SDK1: variants seen among roughly 807,000 people sequenced by gnomAD.
The protein encoded by SDK1 is protein sidekick-1.
In SDK1, 157 loss-of-function variants were observed where a neutral mutation model predicts 245.5. The ratio of observed to expected loss-of-function variants is 0.64; its 90% CI spans 0.56 to 0.73. The LOEUF (loss-of-function observed/expected upper bound fraction) is 0.73. SDK1 is among the 30% of genes least tolerant of loss of function. SDK1 has a pLI of 0.00. For missense variants in SDK1, 3,583 were observed against 3,002.3 expected (o/e 1.19, Z -4.52); for synonymous variants, 1,647 against 1,278.5 (o/e 1.29, Z -6.15).
chr7:3,501,836 T>C (rs1161436929), intron 1 of SDK1, among the ~76,000 whole-genome samples: 1 of 152,224 alleles, frequency 6.6e-6, no homozygotes, highest in African/African-American at 2.4e-5. Flanking sequence ...TATTTATTAC[T>C]CTTGATGTTC....
intron 40 of SDK1, among the ~76,000 whole-genome samples, chr7:4,226,304 A>G (rs2128233878): frequency 6.6e-6 from 1 of 152,294 alleles, no homozygotes; most frequent in African/African-American, 2.4e-5. Flanking sequence ...CCTCTGGCCC[A>G]CGTGGTCGGC....
At chr7:3,566,629 G>A (rs1010691623) in intron 1 of SDK1, among the ~76,000 whole-genome samples, 2 of 151,306 alleles carry the variant, frequency 1.3e-5, no homozygotes, top group African/African-American at 2.4e-5. Flanking sequence ...CAGATGGGCA[G>A]ATGACAGAAT....
chr7:3,443,793 T>G (rs1400003844), intron 1 of SDK1, among the ~76,000 whole-genome samples: 1 of 152,210 alleles, frequency 6.6e-6, no homozygotes, highest in African/African-American at 2.4e-5. Flanking sequence ...TTAGATTCTT[T>G]CTTATAAATG....
At chr7:3,440,776 C>A (rs886379385) in intron 1 of SDK1, among the ~76,000 whole-genome samples, 1 of 152,114 alleles carries the variant, frequency 6.6e-6, no homozygotes, top group Non-Finnish European at 1.5e-5. Flanking sequence ...TTATGCTGGT[C>A]TTGCTGTTGC....
At chr7:3,926,050 T>C (rs527836143) in intron 5 of SDK1, among the ~76,000 whole-genome samples, 200 of 152,270 alleles carry the variant, frequency 1.3e-3, no homozygotes, top group African/African-American at 4.7e-3. Flanking sequence ...TTGAGTGACT[T>C]CAGGGAAATC....
At chr7:3,958,116 A>G (rs772090421) in intron 7 of SDK1, 20 of 412,698 alleles carry the variant, frequency 4.8e-5, no homozygotes, top group Non-Finnish European at 9.3e-5. Flanking sequence ...CACAATTATA[A>G]TGAAAGTAAA....
chr7:3,444,521 A>G (rs547036456), intron 1 of SDK1, among the ~76,000 whole-genome samples: 1 of 152,298 alleles, frequency 6.6e-6, no homozygotes, highest in East Asian at 1.9e-4. Flanking sequence ...TTATTTAAGA[A>G]CTTTTTATAA....
chr7:3,723,885 T>C (rs6980037), intron 4 of SDK1, among the ~76,000 whole-genome samples: 3,661 of 106,792 alleles, frequency 0.034, 175 homozygotes, highest in Admixed American at 0.065. Flanking sequence ...CGTACATATA[T>C]ATATACACGT....
intron 2 of SDK1, among the ~76,000 whole-genome samples, chr7:3,625,797 G>A (rs960389660): frequency 1.3e-5 from 2 of 152,188 alleles, no homozygotes; most frequent in Non-Finnish European, 2.9e-5. Context: ...AGGACAGGAA[G>A]CAAGAAATAG....
chr7:3,486,659 A>G (rs1781705340), intron 1 of SDK1, among the ~76,000 whole-genome samples: 1 of 152,090 alleles, frequency 6.6e-6, no homozygotes, highest in Non-Finnish European at 1.5e-5. Flanking sequence ...TCTTCATCCC[A>G]AAGCACAAGT....
chr7:3,347,452 A>G (rs988820366), intron 1 of SDK1, among the ~76,000 whole-genome samples: 1 of 152,132 alleles, frequency 6.6e-6, no homozygotes, highest in African/African-American at 2.4e-5. Context: ...GGAACAAAAT[A>G]ACTTTTCACC....
rs544427269 is a variant in SDK1 at position 3,975,611 on chromosome 7, C to T, written c.1994+1066C>T. ...AAGCATGTGGCTTCTGTGTCTGCCA[C>T]ACGCATGTGGAAATGAGTGAACTCA... On this transcript the variant is annotated intron_variant, in intron 13 of 44. Coordinates refer to ENST00000404826, the MANE Select transcript of SDK1 (RefSeq NM_152744.4). Among the ~76,000 whole-genome samples, 3 of 152,336 alleles carry T rather than the reference C, an allele frequency of 2.0e-5. No homozygotes were observed. The East Asian group carries it at 5.8e-4, about 29-fold the overall frequency.
intron 14 of SDK1, among the ~76,000 whole-genome samples, chr7:4,004,041 C>T (rs183183598): frequency 6.6e-6 from 1 of 152,358 alleles, no homozygotes; most frequent in East Asian, 1.9e-4. Flanking sequence ...TCACTCCATC[C>T]ATTTCTCATG....
rs1562774661 is a variant in SDK1, at chr7:4,077,066, A to T, written c.3079A>T (p.Thr1027Ser). The change falls in exon 21 of 45, where the codon ACG (threonine) becomes TCG (serine). Residue 1027 changes from threonine (T) to serine (S), a missense_variant. Physicochemically the swap from Thr to Ser is moderately conservative, Grantham distance 58 (BLOSUM62 1). Transcript: ENST00000404826. ...TCTCACGCACACCCTGAACAGCACG[A>T]CGCACGAGTACAAGATCCAAGGCCT... ...SRLTHTLNSTTHEYKIQGLSS... is the reference protein window; with the variant it reads ...SRLTHTLNSTSHEYKIQGLSS... 1.2e-6 allele frequency: 2 copies of T among 1,614,158 alleles called. No homozygotes were observed. The highest frequency in any genetic ancestry group is 1.7e-6 in the Non-Finnish European group (2 of 1,180,006).
At chr7:3,426,148 T>C (rs769773647) in intron 1 of SDK1, among the ~76,000 whole-genome samples, 1 of 152,194 alleles carries the variant, frequency 6.6e-6, no homozygotes, top group Non-Finnish European at 1.5e-5. Flanking sequence ...AAGCAGTTGA[T>C]TCCGTGTTTT....
intron 1 of SDK1, among the ~76,000 whole-genome samples, chr7:3,435,674 A>G (rs1340930465): frequency 6.6e-6 from 1 of 151,906 alleles, no homozygotes; most frequent in African/African-American, 2.4e-5. Context: ...GGGGGCTTTT[A>G]AAGAGGAAGT....
chr7:3,494,267 T>G (rs1291452308), intron 1 of SDK1, among the ~76,000 whole-genome samples: 1 of 152,214 alleles, frequency 6.6e-6, no homozygotes, highest in East Asian at 1.9e-4. Flanking sequence ...TTTTGTTATT[T>G]TAATCCAGAT....
Position 4,149,377 on chromosome 7 carries a change from C to T in SDK1, c.4539C>T (p.Thr1513=), listed in dbSNP as rs1185469730. The T allele has an allele frequency of 3.1e-6, 5 of 1,590,126 alleles. No homozygotes were observed. Among genetic ancestry groups the T allele is most frequent in the Non-Finnish European group, 4.3e-6 (5 of 1,169,098 alleles). ...GGGCCTCCCCCATCCGGTACTTCAC[C>T]ATGCAGGTGCGAGAGCTGCCTCGGG... ...SDGASPIRYF[T]MQVRELPRGE... is the part of the protein sequence containing the mutation. Residue 1513 remains threonine (T), a synonymous_variant, in exon 30 of 45, where the codon ACC becomes ACT. Coordinates refer to ENST00000404826, the MANE Select transcript of SDK1 (RefSeq NM_152744.4).
At chr7:3,589,381 T>C (rs554405457) in intron 1 of SDK1, among the ~76,000 whole-genome samples, 2 of 152,342 alleles carry the variant, frequency 1.3e-5, no homozygotes, top group East Asian at 3.9e-4. Context: ...TGTGGGTCTT[T>C]TGATGTCAGT....
Sources: allele counts gnomAD v4.1 joint callset (sites outside exome capture counted in the v4.1 genomes callset), GRCh38; gene constraint gnomAD v4.1.1; transcripts MANE v1.5; gene names NCBI Gene and HGNC (gene_info 2026-07-23, HGNC 2026-07-21).